SLC39A8: variants seen among roughly 807,000 people sequenced by gnomAD.
SLC39A8 encodes the protein metal cation symporter ZIP8.
A neutral mutation model predicts 40.4 loss-of-function variants in SLC39A8; 15 were observed. The observed-to-expected ratio is 0.37, with a 90% confidence interval of 0.25 to 0.57. The LOEUF is 0.57. Ranked by LOEUF, SLC39A8 falls within the 20% of genes least tolerant of loss-of-function variation. SLC39A8 has a pLI of 0.75. For missense variants in SLC39A8, 472 were observed against 558.8 expected, an observed-to-expected ratio of 0.84 and a Z score of 1.57; for synonymous variants, 223 against 221.6, an observed-to-expected ratio of 1.01 and a Z score of -0.06.
intron 2 of SLC39A8, among the ~76,000 whole-genome samples, chr4:102,325,912 T>A (rs1048068492): frequency 2.6e-5 from 4 of 152,226 alleles, no homozygotes; most frequent in Non-Finnish European, 4.4e-5. Flanking sequence ...TCTGTCTTTG[T>A]CATAGTGATG....
intron 2 of SLC39A8, among the ~76,000 whole-genome samples, chr4:102,318,160 A>G (rs1188001134): frequency 6.6e-6 from 1 of 152,138 alleles, no homozygotes; most frequent in Non-Finnish European, 1.5e-5. Flanking sequence ...ACCCTCCTAC[A>G]TACAATTAGA....
chr4:102,275,615 A>G (rs1732583113), intron 6 of SLC39A8, among the ~76,000 whole-genome samples: 1 of 152,198 alleles, frequency 6.6e-6, no homozygotes, highest in African/African-American at 2.4e-5. Flanking sequence ...ACTTGAACTC[A>G]GCTCTGGACC....
chr4:102,344,682 T>G lies in SLC39A8; in HGVS notation c.-20A>C, dbSNP rs1309833292. On this transcript the variant is annotated 5_prime_UTR_variant, in exon 2 of 9. Transcript: ENST00000356736. ...GGCCATCCTGGCCTGGGCTTCCCCT[T>G]GAGGGCCCGCGACGGGCTGCCGCGC... 6.9e-7 allele frequency: 1 copy of G among 1,440,524 alleles called. No homozygotes were observed. The allele number at this position is 1,440,524 out of a possible 1,614,324, so 89.2% of individuals were successfully genotyped here.
intron 6 of SLC39A8, among the ~76,000 whole-genome samples, chr4:102,287,996 A>G (rs1410112601): frequency 6.6e-6 from 1 of 152,022 alleles, no homozygotes. Flanking sequence ...ACCAACTACC[A>G]CCATTATTAT....
intron 2 of SLC39A8, among the ~76,000 whole-genome samples, chr4:102,328,275 T>C (rs551136038): frequency 1.3e-4 from 20 of 152,130 alleles, no homozygotes; most frequent in African/African-American, 4.3e-4. Flanking sequence ...AATTATTCTA[T>C]ACAAGGTCAC....
At position 102,344,483 on chromosome 4, in the gene SLC39A8, G is replaced by A; in HGVS notation, c.180C>T (p.Arg60=). 1 of 1,550,114 alleles carries A rather than the reference G, an allele frequency of 6.5e-7. No individual in the cohort carries two copies. ...GCTGGCCAGGCTCCGGGACGCCCAC[G>A]CGGGAGGCGGCTCCCATCTGCTCCA... is the stretch of plus-strand genomic sequence containing the variant. ...HLLEQMGAAS[R]VGVPEPGQLH... The change falls in exon 2 of 9, where the codon CGC becomes CGT. Residue 60 remains arginine, a synonymous_variant. Transcript: ENST00000356736.
intron 2 of SLC39A8, among the ~76,000 whole-genome samples, chr4:102,340,185 A>AT (rs1735882580): frequency 1.3e-5 from 2 of 152,186 alleles, no homozygotes; most frequent in Admixed American, 1.3e-4. Flanking sequence ...TACATGTTAT[A>AT]AACCAGGCAC....
In SLC39A8 at chr4:102,344,824, A is replaced by G. The variant is rs1267665605; in HGVS notation, c.-162T>C. 9.8e-6 allele frequency: 13 copies of G among 1,320,506 alleles called. No homozygotes were observed. The highest frequency in any genetic ancestry group is 1.2e-5 in the Non-Finnish European group (12 of 1,040,304). The allele number at this position is 1,320,506 out of a possible 1,614,324, so 81.8% of individuals were successfully genotyped here. A position where few individuals can be genotyped will look rare whatever the true frequency, so the allele number is the denominator to read the frequency against. ...CCCCTGGTTCTCCGACGCCTTCGAA[A>G]GAACAGCAGCTCGCGACCTGCGGGG... On this transcript the variant is annotated 5_prime_UTR_variant, in exon 2 of 9. Transcript: ENST00000356736.
chr4:102,263,082 G>A lies in SLC39A8; in HGVS notation c.1345C>T (p.Leu449Phe), dbSNP rs112519623. The change falls in exon 9 of 9, where the codon CTC becomes TTC. Residue 449 changes from leucine to phenylalanine, a missense_variant. Around this residue, in one of 4 missense-constraint regions of SLC39A8, gnomAD observed 50 missense variants for 50.5 expected, o/e 0.99. Coordinates refer to ENST00000356736, the MANE Select transcript of SLC39A8 (RefSeq NM_001135146.2). ...ATTTCTCCTGCATACAAGGTAATGA[G>A]TAGAATGGCTGTGAATCCAGTTAAC... ...GMLTGFTAIL[L>F]ITLYAGEIEL... 21,202 of 1,613,476 alleles carry A rather than the reference G, an allele frequency of 0.013. 193 individuals are homozygous for A. The highest frequency in any genetic ancestry group is 0.016 in the Non-Finnish European group (18,409 of 1,179,644).
chr4:102,333,111 C>T (rs560693364), intron 2 of SLC39A8, among the ~76,000 whole-genome samples: 13 of 152,072 alleles, frequency 8.5e-5, no homozygotes, highest in Non-Finnish European at 1.6e-4. Context: ...ACGCGTATAC[C>T]TAAGTAACAA....
In SLC39A8 at chr4:102,344,526, G is replaced by A. The variant is rs746104538; in HGVS notation, c.137C>T (p.Ala46Val). ...CTGCTCCAGCAAGTGCTGGAGCTGC[G>A]CCGCCGACAGGCTCAGATTCGCGCC... is the stretch of plus-strand genomic sequence containing the variant. ...VFGANLSLSAAQLQHLLEQMG... is the reference protein window; with the variant it reads ...VFGANLSLSAVQLQHLLEQMG... Residue 46 changes from alanine to valine, a missense_variant, in exon 2 of 9, where the codon GCG becomes GTG. This residue lies in a region of SLC39A8 where 175 missense variants were observed against 160.5 expected (regional missense o/e 1.09). Transcript: ENST00000356736. 216 of 1,558,644 alleles carry A rather than the reference G, an allele frequency of 1.4e-4. No homozygotes were observed. Among genetic ancestry groups the A allele is most frequent in the Non-Finnish European group, 1.8e-4 (210 of 1,151,660 alleles).
In SLC39A8 at chr4:102,331,746, C is replaced by T. The variant is rs140715554; in HGVS notation, c.219+12698G>A. Among the ~76,000 whole-genome samples, 991 of 152,212 alleles carry T rather than the reference C, an allele frequency of 6.5e-3. 11 individuals are homozygous for T. Among genetic ancestry groups the T allele is most frequent in the African/African-American group, 0.022 (910 of 41,522 alleles). ...AAAAAGAACAAAGCTGGAGGCATCA[C>T]GCTACCTGACTTCAAACTATAGTAC... On this transcript the variant is annotated intron_variant, in intron 2 of 8. Transcript: ENST00000356736.
chr4:102,332,368 T>C (rs1735504385), intron 2 of SLC39A8, among the ~76,000 whole-genome samples: 1 of 151,956 alleles, frequency 6.6e-6, no homozygotes, highest in Non-Finnish European at 1.5e-5. Flanking sequence ...ATAAGAACAC[T>C]TTTCAAAAGA....
intron 2 of SLC39A8, 86 bp downstream of exon 2, chr4:102,344,358 T>A (rs1392354994): frequency 1.0e-6 from 1 of 958,734 alleles, no homozygotes; most frequent in Non-Finnish European, 1.5e-6. Flanking sequence ...TCTCCTGCAC[T>A]TTTCCCAAAT....
chr4:102,280,439 T>G (rs1732819794), intron 6 of SLC39A8, among the ~76,000 whole-genome samples: 1 of 152,196 alleles, frequency 6.6e-6, no homozygotes, highest in African/African-American at 2.4e-5. Flanking sequence ...AAATAAGTTT[T>G]CATGAAAAAA....
chr4:102,344,792 C>G lies in SLC39A8; in HGVS notation c.-130G>C. ...GCGCTGCTCCGAGTCAGAGGTGGCG[C>G]GGGACGCCCCTGGTTCTCCGACGCC... On this transcript the variant is annotated 5_prime_UTR_variant, in exon 2 of 9. Transcript: ENST00000356736. 5.3e-6 allele frequency: 7 copies of G among 1,320,324 alleles called. No individual in the cohort carries two copies. The highest frequency in any genetic ancestry group is 6.7e-6 in the Non-Finnish European group (7 of 1,039,590). The allele number at this position is 1,320,324 out of a possible 1,614,324, so 81.8% of individuals were successfully genotyped here. A position where few individuals can be genotyped will look rare whatever the true frequency, so the allele number is the denominator to read the frequency against.
intron 11 of SLC39A8, among the ~76,000 whole-genome samples, chr4:102,256,496 C>T (rs1453685753): frequency 6.6e-6 from 1 of 152,062 alleles, no homozygotes; most frequent in Non-Finnish European, 1.5e-5. Context: ...TCTTATCTGC[C>T]AGAAATGTGA....
chr4:102,307,626 A>T, intron 3 of SLC39A8, 21 bp from the exon 4 acceptor site: 1 of 1,605,020 alleles, frequency 6.2e-7, no homozygotes, highest in Non-Finnish European at 8.5e-7. Flanking sequence ...GAGGGAAAAG[A>T]GAGTAGAAAT....
intron 2 of SLC39A8, among the ~76,000 whole-genome samples, chr4:102,330,204 A>G (rs1213698672): frequency 2.6e-5 from 4 of 152,214 alleles, no homozygotes; most frequent in Non-Finnish European, 2.9e-5. Flanking sequence ...GGCACAAAAA[A>G]ACCCTTCAAA....
Sources: allele counts gnomAD v4.1 joint callset (sites outside exome capture counted in the v4.1 genomes callset), GRCh38; gene constraint gnomAD v4.1.1; regional missense constraint gnomAD v4.1.1; transcripts MANE v1.5; gene names NCBI Gene and HGNC (gene_info 2026-07-23, HGNC 2026-07-21).